CCDC85A: variants seen among roughly 807,000 people sequenced by gnomAD.
CCDC85A encodes the protein coiled-coil domain-containing protein 85A.
In CCDC85A, 38 loss-of-function variants were observed where a neutral mutation model predicts 50.2. That is an observed-to-expected ratio of 0.76 (90% CI 0.58 to 0.99). The LOEUF (loss-of-function observed/expected upper bound fraction) is 0.99, where lower values mean the gene tolerates loss of function less well. Among genes scored for constraint, CCDC85A ranks in the 50% least tolerant of loss-of-function variants. The pLI is 0.00. For synonymous variants in CCDC85A, 366 were observed against 301.4 expected, an observed-to-expected ratio of 1.21 and a Z score of -2.22; for missense variants, 820 against 742.0, an observed-to-expected ratio of 1.11 and a Z score of -1.22.
chr2:56,220,381 T>A (rs1256590043), intron 2 of CCDC85A, among the ~76,000 whole-genome samples: 4 of 152,012 alleles, frequency 2.6e-5, no homozygotes, highest in African/African-American at 9.7e-5. Flanking sequence ...TATATAAGGA[T>A]AAAATACTAA....
At chr2:56,208,596 G>A (rs1677048423) in intron 2 of CCDC85A, among the ~76,000 whole-genome samples, 1 of 152,110 alleles carries the variant, frequency 6.6e-6, no homozygotes, top group African/African-American at 2.4e-5. Context: ...TGAACCACTT[G>A]CCTGCCATAG....
At chr2:56,234,158 C>T (rs1049402727) in intron 2 of CCDC85A, among the ~76,000 whole-genome samples, 5 of 152,200 alleles carry the variant, frequency 3.3e-5, no homozygotes, top group Admixed American at 3.3e-4. Context: ...TCCAGTGCTG[C>T]ATCACTGCTT....
Position 56,184,319 on chromosome 2 carries a change from T to A in CCDC85A, c.-306T>A. On this transcript the variant is annotated 5_prime_UTR_variant, in exon 1 of 6. Coordinates refer to ENST00000407595, the MANE Select transcript of CCDC85A (RefSeq NM_001080433.2). ...CAGCTCCCCCGCTGTCCCCGAGGAT[T>A]TCCCGCGGCAGCCCCGGGCTCCCCA... is the stretch of plus-strand genomic sequence containing the variant. 1.7e-6 allele frequency: 1 copy of A among 599,820 alleles called. No homozygotes were observed. The highest frequency in any genetic ancestry group is 2.0e-5 in the African/African-American group (1 of 50,896). The allele number at this position is 599,820 out of a possible 1,614,324, so 37.2% of individuals were successfully genotyped here.
At chr2:56,193,677 G>A (rs1276730098) in intron 2 of CCDC85A, among the ~76,000 whole-genome samples, 1 of 152,058 alleles carries the variant, frequency 6.6e-6, no homozygotes, top group Non-Finnish European at 1.5e-5. Context: ...TTTATGGGAG[G>A]GAGAGGAACA....
At chr2:56,231,159 T>G (rs1668756559) in intron 2 of CCDC85A, among the ~76,000 whole-genome samples, 1 of 152,204 alleles carries the variant, frequency 6.6e-6, no homozygotes, top group Admixed American at 6.5e-5. Context: ...GGCTGCTCAT[T>G]CAACTAGCAT....
At position 56,271,629 on chromosome 2, in the gene CCDC85A, G is replaced by C. The variant is rs372355168; in HGVS notation, c.1241-71250G>C. ...TTTTCTTTCCTGTCAAGCTTCTCCT[G>C]ATCCATCATTATATCCCAAAGGTTT... On this transcript the variant is annotated intron_variant, in intron 2 of 5. Transcript: ENST00000407595. Among the ~76,000 whole-genome samples, 11 of 152,250 alleles carry C rather than the reference G, an allele frequency of 7.2e-5. No homozygotes were observed. The East Asian group carries it at 1.5e-3, about 21-fold the overall frequency.
intron 3 of CCDC85A, among the ~76,000 whole-genome samples, chr2:56,352,033 G>C (rs1295382314): frequency 6.6e-6 from 1 of 152,106 alleles, no homozygotes; most frequent in Non-Finnish European, 1.5e-5. Context: ...TTTTGTATAA[G>C]GTGTAAGGAA....
rs367999413 is a variant in CCDC85A at position 56,294,415 on chromosome 2, G to A, written c.1241-48464G>A. Among the ~76,000 whole-genome samples, 139 of 152,248 alleles carry A rather than the reference G, an allele frequency of 9.1e-4. 2 individuals are homozygous for A. In the South Asian group the frequency reaches 0.012, roughly 13 times the overall value. On this transcript the variant is annotated intron_variant, in intron 2 of 5. Coordinates refer to ENST00000407595, the MANE Select transcript of CCDC85A (RefSeq NM_001080433.2). ...ATTTACCTATGTAACAAACCTGCGC[G>A]TCCTGCACATGTATACCATAACTTA...
At chr2:56,301,931 A>C (rs1378991800) in intron 2 of CCDC85A, among the ~76,000 whole-genome samples, 1 of 152,184 alleles carries the variant, frequency 6.6e-6, no homozygotes, top group Non-Finnish European at 1.5e-5. Flanking sequence ...CATTCTGCAC[A>C]TGTATTTCAG....
chr2:56,369,868 A>G (rs186232755), intron 3 of CCDC85A, among the ~76,000 whole-genome samples: 11 of 152,242 alleles, frequency 7.2e-5, no homozygotes, highest in African/African-American at 2.2e-4. Context: ...CCTCTATAGA[A>G]GTTTCCAGAG....
chr2:56,226,508 A>G (rs1412659721), intron 2 of CCDC85A, among the ~76,000 whole-genome samples: 7 of 152,078 alleles, frequency 4.6e-5, no homozygotes, highest in East Asian at 1.9e-4. Flanking sequence ...CAACTATGTC[A>G]TATTTTTTTT....
intron 2 of CCDC85A, among the ~76,000 whole-genome samples, chr2:56,288,886 C>T (rs921271457): frequency 5.9e-5 from 9 of 152,172 alleles, no homozygotes; most frequent in East Asian, 3.8e-4. Context: ...GGAGAAATCA[C>T]ATCTGCTCTC....
chr2:56,249,094 T>G (rs957514791), intron 2 of CCDC85A, among the ~76,000 whole-genome samples: 4 of 152,180 alleles, frequency 2.6e-5, no homozygotes, highest in Admixed American at 2.0e-4. Flanking sequence ...TCTTCTTCTG[T>G]CTAATATCCT....
At chr2:56,255,271 A>G (rs76688331) in intron 2 of CCDC85A, among the ~76,000 whole-genome samples, 15,023 of 152,278 alleles carry the variant, frequency 0.099, 911 homozygotes, top group Middle Eastern at 0.13. Flanking sequence ...TGTGGAAGAA[A>G]TAAAGCATAT....
intron 2 of CCDC85A, among the ~76,000 whole-genome samples, chr2:56,200,206 G>C (rs146332039): frequency 1.4e-3 from 209 of 152,316 alleles, no homozygotes; most frequent in Non-Finnish European, 2.2e-3. Flanking sequence ...ACAGATAAGT[G>C]AGGCACTATG....
chr2:56,317,916 C>T (rs925035268), intron 2 of CCDC85A, among the ~76,000 whole-genome samples: 11 of 152,118 alleles, frequency 7.2e-5, no homozygotes, highest in African/African-American at 2.7e-4. Flanking sequence ...CAGATTACCA[C>T]AGAGTATCCA....
At chr2:56,331,879 A>T (rs1673817477) in intron 2 of CCDC85A, among the ~76,000 whole-genome samples, 1 of 152,088 alleles carries the variant, frequency 6.6e-6, no homozygotes, top group African/African-American at 2.4e-5. Context: ...TCCTTTGAAA[A>T]TTTTAGATTT....
intron 5 of CCDC85A, chr2:56,383,466 C>T (rs1207216636): frequency 8.8e-6 from 3 of 341,026 alleles, no homozygotes; most frequent in East Asian, 1.7e-4. Flanking sequence ...TTGGTGAATT[C>T]GGTAGTTTTA....
At chr2:56,361,162 G>C (rs748211628) in intron 3 of CCDC85A, among the ~76,000 whole-genome samples, 33 of 152,076 alleles carry the variant, frequency 2.2e-4, no homozygotes, top group Non-Finnish European at 4.1e-4. Flanking sequence ...GCTGAGGCAG[G>C]AGAATGGCGC....
Sources: allele counts gnomAD v4.1 joint callset (sites outside exome capture counted in the v4.1 genomes callset), GRCh38; gene constraint gnomAD v4.1.1; transcripts MANE v1.5; gene names NCBI Gene and HGNC (gene_info 2026-07-23, HGNC 2026-07-21).